Variants in KHNYN observed in about 807,000 individuals in gnomAD.
KHNYN encodes the protein KH and NYN domain containing.
A neutral mutation model predicts 62.7 loss-of-function variants in KHNYN; 42 were observed. The observed-to-expected ratio is 0.67, with a 90% CI of 0.52 to 0.87. KHNYN has a LOEUF of 0.87. Among genes scored for constraint, KHNYN ranks in the 40% least tolerant of loss-of-function variants. The pLI, the probability that KHNYN is intolerant of heterozygous loss-of-function variation, is 0.00. For synonymous variants in KHNYN, 347 were observed against 345.6 expected (o/e 1.00, Z -0.04); for missense variants, 829 against 874.1 (o/e 0.95, Z 0.65).
rs1466229564 is a variant in KHNYN at position 24,431,992 on chromosome 14, A to T, written c.731A>T (p.Asp244Val). The change falls in exon 3 of 8, where the codon GAT becomes GTT. Residue 244 changes from aspartate to valine, a missense_variant. Asp to Val is a radical substitution (Grantham distance 152). Transcript: ENST00000553935. Reference protein sequence around the residue: ...SLDTGSMGPGDCRGARGDTYA... With the variant: ...SLDTGSMGPGVCRGARGDTYA... ...GACACTGGATCTATGGGACCCGGAG[A>T]TTGCAGGGGAGCAAGGGGAGACACT... 38 of 1,611,538 alleles carry T rather than the reference A, an allele frequency of 2.4e-5. No homozygotes were observed. Among genetic ancestry groups the T allele is most frequent in the Non-Finnish European group, 3.1e-5 (36 of 1,178,368 alleles).
At chr14:24,431,034 G>A (rs2043102161) in intron 2 of KHNYN, 103 bp downstream of exon 2, 7 of 1,103,520 alleles carry the variant, frequency 6.3e-6, no homozygotes, top group Non-Finnish European at 7.7e-6. Context: ...GGGGCCTGGG[G>A]AGGATCTCCA....
At chr14:24,429,747 G>A (rs148089303), upstream of KHNYN, 172 of 985,414 alleles carry the variant, frequency 1.7e-4, 1 homozygote, top group East Asian at 0.016. Flanking sequence ...AGAAGTAACT[G>A]CGCAGAATGC....
At chr14:24,429,175 C>T (rs928066758), upstream of KHNYN, 30 of 1,029,774 alleles carry the variant, frequency 2.9e-5, no homozygotes, top group Non-Finnish European at 3.3e-5. Context: ...GCTCGCTGAA[C>T]CCCCTCTCCA....
chr14:24,430,785 G>A lies in KHNYN; in HGVS notation c.55G>A (p.Glu19Lys), dbSNP rs2043094029. 1.2e-6 allele frequency: 2 copies of A among 1,603,784 alleles called. No individual in the cohort carries two copies. The highest frequency in any genetic ancestry group is 3.4e-5 in the Admixed American group (2 of 58,470). Residue 19 changes from glutamate (E) to lysine (K), a missense_variant, in exon 2 of 8, where the codon GAG becomes AAG. By Grantham distance (56) the Glu-to-Lys change is moderately conservative. Coordinates refer to ENST00000553935, the MANE Select transcript of KHNYN (RefSeq NM_015299.3). Reference sequence around the variant, plus strand: ...CCCAGATCGCTTTGCGGTGTCTGCGGAGGCTGAGAACAAGGTTCGGGAACA... The same window carrying A: ...CCCAGATCGCTTTGCGGTGTCTGCGAAGGCTGAGAACAAGGTTCGGGAACA... ...ASPDRFAVSA[E>K]AENKVREQQP...
rs1397603390 is a variant in KHNYN, at chr14:24,441,707, G to T, written c.*4422G>T. 4 of 1,597,298 alleles carry T rather than the reference G, an allele frequency of 2.5e-6. No individual in the cohort carries two copies. The highest frequency in any genetic ancestry group is 1.1e-5 in the South Asian group (1 of 88,244). The stretch of plus-strand genomic sequence containing the variant: ...GTGACTAAGACCCAGGCCTTGGGGG[G>T]TTGTGGGGCTTTGGTGATGGCTTTA... On this transcript the variant is annotated 3_prime_UTR_variant, in exon 8 of 8. Transcript: ENST00000553935.
At chr14:24,429,582 C>A, upstream of KHNYN, 1 of 682,574 alleles carries the variant, frequency 1.5e-6, no homozygotes, top group Non-Finnish European at 2.1e-6. Flanking sequence ...CACGGGTACC[C>A]TCCGCCTCCC....
At chr14:24,427,514 T>G (rs1487629157), upstream of KHNYN, 1 of 428,050 alleles carries the variant, frequency 2.3e-6, no homozygotes, top group Non-Finnish European at 4.2e-6. The surrounding 1 kb of genome is among the most constrained non-coding windows in gnomAD (Gnocchi z 4.4). Context: ...TCTTCCTTCT[T>G]GCCAAACCTT....
At chr14:24,428,943 G>A, upstream of KHNYN, 4 of 1,554,452 alleles carry the variant, frequency 2.6e-6, no homozygotes, top group Non-Finnish European at 3.5e-6. Context: ...AGCAGGACGG[G>A]CTCTGACCCC....
chr14:24,436,211 C>G, intron 6 of KHNYN, 32 bp downstream of exon 6: 3 of 1,563,796 alleles, frequency 1.9e-6, no homozygotes, highest in Non-Finnish European at 2.6e-6. Context: ...GAACTGGGCA[C>G]AGATGCAGAT....
rs780564215 is a variant in KHNYN, at chr14:24,440,815, C to G, written c.*3530C>G. 1.1e-5 allele frequency: 18 copies of G among 1,613,680 alleles called. No homozygotes were observed. Among genetic ancestry groups the G allele is most frequent in the Non-Finnish European group, 8.5e-7 (1 of 1,179,828 alleles). On this transcript the variant is annotated 3_prime_UTR_variant, in exon 8 of 8. Transcript: ENST00000553935. ...CACCACCACCTGGCGTGTAGAATCT[C>G]CAGGAAGCCTGGCTGCAGCTTCCCA... is the stretch of plus-strand genomic sequence containing the variant.
chr14:24,437,353 G>C lies in KHNYN; in HGVS notation c.*68G>C, dbSNP rs2043223604. On this transcript the variant is annotated 3_prime_UTR_variant, in exon 8 of 8. Coordinates refer to ENST00000553935, the MANE Select transcript of KHNYN (RefSeq NM_015299.3). This position sits in a 1 kb window ranked among gnomAD's most constrained non-coding sequence, Gnocchi z 5.5. Reference sequence around the variant, plus strand: ...GCCTCCAGCTCAGCCCTTTCTGTGAGAGTCCCTCTGCTGCTCACTCTGATC... The same window carrying C: ...GCCTCCAGCTCAGCCCTTTCTGTGACAGTCCCTCTGCTGCTCACTCTGATC... 1 of 1,548,200 alleles carries C rather than the reference G, an allele frequency of 6.5e-7. No individual in the cohort carries two copies. The highest frequency in any genetic ancestry group is 1.4e-5 in the African/African-American group (1 of 73,320).
chr14:24,432,444 G>T lies in KHNYN; in HGVS notation c.1183G>T (p.Gly395Cys). ...AGACAAGCAGCAGGGCATGGCACGGGGTCGGGGGCCTCAATGGAAACGAGG... is the reference window on the plus strand; with the variant it reads ...AGACAAGCAGCAGGGCATGGCACGGTGTCGGGGGCCTCAATGGAAACGAGG... ...RGDKQQGMAR[G>C]RGPQWKRGAR... The change falls in exon 3 of 8, where the codon GGT (glycine) becomes TGT (cysteine). Residue 395 changes from glycine to cysteine, a missense_variant. Physicochemically the swap from Gly to Cys is radical, Grantham distance 159 (BLOSUM62 -3). Coordinates refer to ENST00000553935, the MANE Select transcript of KHNYN (RefSeq NM_015299.3). The surrounding 1 kb of genome is among the most constrained non-coding windows in gnomAD (Gnocchi z 5.6). The T allele has an allele frequency of 1.9e-6, 3 of 1,613,560 alleles. No individual in the cohort carries two copies. Among genetic ancestry groups the T allele is most frequent in the Non-Finnish European group, 2.5e-6 (3 of 1,179,882 alleles).
At chr14:24,431,098 C>T in intron 2 of KHNYN, 167 bp downstream of exon 2, 1 of 653,648 alleles carries the variant, frequency 1.5e-6, no homozygotes, top group South Asian at 2.0e-5. Flanking sequence ...GAGGGACTTT[C>T]CAACTCTATA....
upstream of KHNYN, among the ~76,000 whole-genome samples, chr14:24,425,661 G>A (rs2043013014): frequency 6.6e-6 from 1 of 152,142 alleles, no homozygotes; most frequent in Non-Finnish European, 1.5e-5. Flanking sequence ...GGGTTTTACT[G>A]TTACAGCCAA....
chr14:24,428,530 G>A, upstream of KHNYN: 1 of 1,220,488 alleles, frequency 8.2e-7, no homozygotes, highest in South Asian at 1.5e-5. Flanking sequence ...GTGAATAGGA[G>A]TGAACAGATT....
chr14:24,431,326 T>A, intron 2 of KHNYN, 137 bp from the exon 3 acceptor site: 1 of 692,966 alleles, frequency 1.4e-6, no homozygotes, highest in Non-Finnish European at 2.3e-6. Flanking sequence ...GGAGTCTCAG[T>A]TTCCTTATCT....
upstream of KHNYN, chr14:24,428,808 C>T: frequency 6.2e-7 from 1 of 1,611,262 alleles, no homozygotes; most frequent in African/African-American, 1.3e-5. Context: ...CCTGCTGGCT[C>T]ATGGTGGTGG....
At chr14:24,430,970 G>A (rs767012893) in intron 2 of KHNYN, 39 bp downstream of exon 2, 3 of 1,575,588 alleles carry the variant, frequency 1.9e-6, no homozygotes, top group East Asian at 2.3e-5. Flanking sequence ...AGGCACCAAG[G>A]ACGCTTTCCC....
chr14:24,434,454 G>C (rs958366935), intron 5 of KHNYN: 1 of 784,852 alleles, frequency 1.3e-6, no homozygotes, highest in African/African-American at 1.9e-5. Context: ...CGCCACGCTG[G>C]AGTGCAGTGG....
Sources: allele counts gnomAD v4.1 joint callset (sites outside exome capture counted in the v4.1 genomes callset), GRCh38; gene constraint gnomAD v4.1.1; non-coding constraint Gnocchi (gnomAD v3.1); transcripts MANE v1.5; gene names NCBI Gene and HGNC (gene_info 2026-07-23, HGNC 2026-07-21).